Variants in CTNNA2 observed in about 807,000 individuals in gnomAD.
The protein encoded by CTNNA2 is catenin alpha-2.
Under a neutral mutation model 101.0 loss-of-function variants are expected in CTNNA2, and 42 were observed. The ratio of observed to expected loss-of-function variants is 0.42; its 90% CI spans 0.32 to 0.54. CTNNA2 has a LOEUF of 0.54. Ranked by LOEUF, CTNNA2 falls within the 20% of genes least tolerant of loss-of-function variation. The probability of loss-of-function intolerance (pLI) is 0.14; values close to 1 mark genes in which losing one functional copy is unlikely to be tolerated. For missense variants in CTNNA2, 871 were observed against 1,223.1 expected, an observed-to-expected ratio of 0.71 and a Z score of 4.29; for synonymous variants, 450 against 456.4, an observed-to-expected ratio of 0.99 and a Z score of 0.18.
rs1476254197 is a variant in CTNNA2 at position 79,499,972 on chromosome 2, C to G, written c.-134-5082C>G. On this transcript the variant is annotated intron_variant, in intron 4 of 21. Transcript: ENST00000466387. ...GGTACAGACAAATTTTGAATGCCAT[C>G]TGTTGGAGATTTCCCTTTTTGTTCT... 2.6e-5 allele frequency among the ~76,000 whole-genome samples: 4 copies of G among 152,210 alleles called. No individual in the cohort carries two copies. The East Asian group carries it at 7.7e-4, about 29-fold the overall frequency.
chr2:80,097,331 G>A (rs1394252113), intron 7 of CTNNA2, among the ~76,000 whole-genome samples: 2 of 152,076 alleles, frequency 1.3e-5, no homozygotes, highest in African/African-American at 4.8e-5. Flanking sequence ...TTGAATGTTG[G>A]CCCCCATTCT....
intron 7 of CTNNA2, among the ~76,000 whole-genome samples, chr2:80,206,060 T>C (rs567348949): frequency 2.4e-4 from 36 of 152,336 alleles, no homozygotes; most frequent in African/African-American, 6.7e-4. Context: ...ATGTGTTTTC[T>C]TTTCACAGCT....
rs182437169 is a variant in CTNNA2 at position 79,644,320 on chromosome 2, A to G, written c.-5-7232A>G. On this transcript the variant is annotated intron_variant, in intron 1 of 18. Coordinates refer to ENST00000402739, the MANE Select transcript of CTNNA2 (RefSeq NM_001282597.3). ...CCCAAAGTGCTGGGATTACAGGCGTAAGCCACCGTGCCTGGCCAAAAGATC... is the reference window on the plus strand; with the variant it reads ...CCCAAAGTGCTGGGATTACAGGCGTGAGCCACCGTGCCTGGCCAAAAGATC... 8.5e-3 allele frequency among the ~76,000 whole-genome samples: 1,290 copies of G among 152,214 alleles called. 27 individuals are homozygous for G. The highest frequency in any genetic ancestry group is 0.028 in the African/African-American group (1,172 of 41,538).
chr2:80,623,014 A>G (rs867703336), intron 18 of CTNNA2, among the ~76,000 whole-genome samples: 13 of 146,740 alleles, frequency 8.9e-5, no homozygotes, highest in African/African-American at 3.2e-4. Flanking sequence ...GATCAAAGGT[A>G]GTTTAACAAA....
At chr2:80,512,024 C>G (rs555109279) in intron 9 of CTNNA2, among the ~76,000 whole-genome samples, 2 of 151,686 alleles carry the variant, frequency 1.3e-5, no homozygotes, top group Non-Finnish European at 2.9e-5. Flanking sequence ...GTGGTGGGCA[C>G]CTGTAATCCC....
chr2:79,888,431 A>G (rs1684056334), intron 6 of CTNNA2, among the ~76,000 whole-genome samples: 1 of 152,084 alleles, frequency 6.6e-6, no homozygotes, highest in Admixed American at 6.5e-5. Flanking sequence ...TTTCTTTCCT[A>G]AGGTTTTATA....
At chr2:79,945,735 C>A (rs886082685) in intron 7 of CTNNA2, among the ~76,000 whole-genome samples, 9 of 152,108 alleles carry the variant, frequency 5.9e-5, no homozygotes, top group Non-Finnish European at 1.2e-4. Flanking sequence ...CAAGCCATAT[C>A]CTCTGAGATT....
chr2:80,639,016 A>G (rs1167878294), intron 18 of CTNNA2, among the ~76,000 whole-genome samples: 1 of 151,228 alleles, frequency 6.6e-6, no homozygotes, highest in Admixed American at 6.6e-5. Context: ...CTCTGGCATT[A>G]CTTAAGGAAG....
chr2:80,153,348 A>G (rs1491002922), intron 7 of CTNNA2, among the ~76,000 whole-genome samples: 1 of 152,156 alleles, frequency 6.6e-6, no homozygotes, highest in Non-Finnish European at 1.5e-5. Context: ...CTTCAGAGCT[A>G]AGAAAGAAGA....
intron 2 of CTNNA2, among the ~76,000 whole-genome samples, chr2:79,683,074 A>T (rs1367340244): frequency 6.6e-6 from 1 of 152,226 alleles, no homozygotes; most frequent in Non-Finnish European, 1.5e-5. Flanking sequence ...TGATTGTGTT[A>T]GTACTTCCTT....
At chr2:80,401,460 G>C (rs1446772977) in intron 8 of CTNNA2, among the ~76,000 whole-genome samples, 2 of 152,192 alleles carry the variant, frequency 1.3e-5, no homozygotes, top group Non-Finnish European at 2.9e-5. Context: ...CAGTTGGCTT[G>C]AGAAGACTTA....
intron 2 of CTNNA2, among the ~76,000 whole-genome samples, chr2:79,721,795 G>A (rs11689331): frequency 0.2 from 30,796 of 152,108 alleles, 3,273 homozygotes; most frequent in Middle Eastern, 0.27. Flanking sequence ...TTAGAAAAGT[G>A]TACTGCCACC....
At chr2:79,383,242 AATCTT>A (rs910325301) in intron 4 of CTNNA2, among the ~76,000 whole-genome samples, 1 of 152,206 alleles carries the variant, frequency 6.6e-6, no homozygotes, top group African/African-American at 2.4e-5. Flanking sequence ...ATTCACCAAA[AATCTT>A]AGATAATGAC....
chr2:79,278,849 T>C (rs1460079683), intron 2 of CTNNA2, among the ~76,000 whole-genome samples: 1 of 152,104 alleles, frequency 6.6e-6, no homozygotes, highest in Non-Finnish European at 1.5e-5. Context: ...TCCTCTGCTG[T>C]GGCTGGAATA....
intron 15 of CTNNA2, among the ~76,000 whole-genome samples, chr2:80,596,243 T>C (rs1221024515): frequency 6.7e-6 from 1 of 148,586 alleles, no homozygotes; most frequent in African/African-American, 2.5e-5. Flanking sequence ...AAGTTGCTTA[T>C]CGACTTAAGG....
intron 4 of CTNNA2, among the ~76,000 whole-genome samples, chr2:79,424,199 T>C (rs535914935): frequency 1.4e-4 from 22 of 152,232 alleles, no homozygotes; most frequent in African/African-American, 4.8e-4. Flanking sequence ...CTTAGGCATG[T>C]CATTTGCCGT....
intron 1 of CTNNA2, among the ~76,000 whole-genome samples, chr2:79,647,040 G>T (rs1680870711): frequency 6.6e-6 from 1 of 152,148 alleles, no homozygotes; most frequent in Admixed American, 6.5e-5. Context: ...ATTCAAATCA[G>T]TGAGAAGAAA....
intron 7 of CTNNA2, among the ~76,000 whole-genome samples, chr2:80,049,390 A>G (rs995962634): frequency 6.6e-6 from 1 of 152,200 alleles, no homozygotes; most frequent in Non-Finnish European, 1.5e-5. Context: ...GTTTTAAATA[A>G]TATAACAAAC....
chr2:80,537,929 G>A (rs1691186874), intron 9 of CTNNA2, among the ~76,000 whole-genome samples: 1 of 152,062 alleles, frequency 6.6e-6, no homozygotes. Context: ...ATTCTAACTG[G>A]CATAAGATGA....
Sources: allele counts gnomAD v4.1 joint callset (sites outside exome capture counted in the v4.1 genomes callset), GRCh38; gene constraint gnomAD v4.1.1; transcripts MANE v1.5; gene names NCBI Gene and HGNC (gene_info 2026-07-23, HGNC 2026-07-21).